Variants in ADAMTSL1 observed in about 807,000 individuals in gnomAD.
ADAMTSL1 encodes ADAMTS like 1.
A neutral mutation model predicts 201.8 loss-of-function variants in ADAMTSL1; 126 were observed. That is an observed-to-expected ratio of 0.62 (90% CI 0.54 to 0.72). The LOEUF is 0.72. Among genes scored for constraint, ADAMTSL1 ranks in the 30% least tolerant of loss-of-function variants. The probability of loss-of-function intolerance (pLI) is 0.00; values close to 1 mark genes in which losing one functional copy is unlikely to be tolerated. For synonymous variants in ADAMTSL1, 1,121 were observed against 903.4 expected, an observed-to-expected ratio of 1.24 and a Z score of -4.32; for missense variants, 2,679 against 2,277.8, an observed-to-expected ratio of 1.18 and a Z score of -3.59.
chr9:18,892,557 G>A lies in ADAMTSL1; in HGVS notation c.4812G>A (p.Gln1604=), dbSNP rs761558331. 1.3e-6 allele frequency: 2 copies of A among 1,575,798 alleles called. No individual in the cohort carries two copies. The highest frequency in any genetic ancestry group is 1.7e-6 in the Non-Finnish European group (2 of 1,160,468). ...KRPVDTQACN[Q]QLCVEWAFSS... ...CTGTGGACACCCAGGCCTGTAACCA[G>A]CAGCTGTGTGTGGAGTGGGCCTTCT... The change falls in exon 26 of 29, where the codon CAG becomes CAA. Residue 1604 remains glutamine (Q), a synonymous_variant. Transcript: ENST00000380548.
chr9:18,361,162 T>C (rs1171484383), intron 2 of ADAMTSL1, among the ~76,000 whole-genome samples: 1 of 152,114 alleles, frequency 6.6e-6, no homozygotes, highest in African/African-American at 2.4e-5. Context: ...AGTATGTGAA[T>C]AGCATGAGAA....
intron 1 of ADAMTSL1, among the ~76,000 whole-genome samples, chr9:18,000,964 G>T (rs1456841693): frequency 6.6e-6 from 1 of 152,048 alleles, no homozygotes; most frequent in Admixed American, 6.6e-5. Flanking sequence ...CATCCCTAGA[G>T]ATGAGAAGTA....
intron 13 of ADAMTSL1, among the ~76,000 whole-genome samples, chr9:18,694,661 C>G (rs2031665591): frequency 6.6e-6 from 1 of 152,164 alleles, no homozygotes; most frequent in Admixed American, 6.5e-5. Flanking sequence ...CCTTGGGCAT[C>G]TCCACCCCTA....
chr9:18,215,950 G>A (rs183127868), intron 2 of ADAMTSL1, among the ~76,000 whole-genome samples: 99 of 152,258 alleles, frequency 6.5e-4, no homozygotes, highest in African/African-American at 2.3e-3. Context: ...AGTCCATTAC[G>A]AGAACTGAGT....
intron 2 of ADAMTSL1, among the ~76,000 whole-genome samples, chr9:18,346,067 T>C (rs1329724): frequency 0.33 from 50,369 of 151,990 alleles, 8,968 homozygotes; most frequent in Admixed American, 0.47. Context: ...CTGTACCTTA[T>C]CCCTGACCCT....
rs181104640 is a variant in ADAMTSL1, at chr9:18,032,885, C to T, written c.87+125963C>T. Among the ~76,000 whole-genome samples the T allele has an allele frequency of 5.2e-3, 605 of 117,068 alleles. 9 individuals are homozygous for T. Among genetic ancestry groups the T allele is most frequent in the Admixed American group, 0.045 (566 of 12,662 alleles). The allele number at this position is 117,068 out of a possible 152,430, so 76.8% of individuals were successfully genotyped here. The stretch of plus-strand genomic sequence containing the variant: ...AGCAACCTGTCCTGGTGCTCAGTGA[C>T]TCTGTGTGGGGCTTCCCACTTCCTC... On this transcript the variant is annotated intron_variant, in intron 1 of 29. Transcript: ENST00000680146.
chr9:18,708,430 T>C (rs978912582), intron 14 of ADAMTSL1, among the ~76,000 whole-genome samples: 5 of 152,210 alleles, frequency 3.3e-5, no homozygotes, highest in Admixed American at 6.5e-5. Context: ...TCCAAATGAT[T>C]CCGGAAGACA....
At chr9:18,754,150 T>C (rs1051859127) in intron 16 of ADAMTSL1, among the ~76,000 whole-genome samples, 10 of 152,234 alleles carry the variant, frequency 6.6e-5, no homozygotes, top group Non-Finnish European at 1.0e-4. Context: ...TGGCTGCTTT[T>C]GCACTACAAG....
At chr9:18,234,574 A>G (rs965987405) in intron 2 of ADAMTSL1, among the ~76,000 whole-genome samples, 1 of 152,148 alleles carries the variant, frequency 6.6e-6, no homozygotes, top group African/African-American at 2.4e-5. Context: ...CAGAGCCAAA[A>G]CCTGAATCCC....
intron 2 of ADAMTSL1, among the ~76,000 whole-genome samples, chr9:18,369,816 G>C (rs912956400): frequency 6.6e-6 from 1 of 152,186 alleles, no homozygotes; most frequent in Non-Finnish European, 1.5e-5. Flanking sequence ...CTATGCAGCC[G>C]TAAGGAAGAA....
chr9:18,509,132 C>T (rs1479829179), intron 2 of ADAMTSL1, among the ~76,000 whole-genome samples: 2 of 77,686 alleles, frequency 2.6e-5, no homozygotes, highest in East Asian at 2.9e-4. Context: ...TGCAGTGAGC[C>T]GAGATTGCGC....
chr9:18,625,477 G>T (rs1307115148), intron 5 of ADAMTSL1, among the ~76,000 whole-genome samples: 1 of 151,990 alleles, frequency 6.6e-6, no homozygotes, highest in Non-Finnish European at 1.5e-5. Context: ...TACAGACAAT[G>T]GAAATAGAGC....
At chr9:18,841,519 C>T (rs1348527455) in intron 23 of ADAMTSL1, among the ~76,000 whole-genome samples, 1 of 152,066 alleles carries the variant, frequency 6.6e-6, no homozygotes, top group African/African-American at 2.4e-5. Flanking sequence ...GTGTCTCTGC[C>T]CGGCTTTGGT....
chr9:18,533,692 C>G (rs1398540489), intron 3 of ADAMTSL1, among the ~76,000 whole-genome samples: 2 of 152,172 alleles, frequency 1.3e-5, no homozygotes, highest in Non-Finnish European at 2.9e-5. Context: ...TCAGTGCCAA[C>G]TATGTGTGAG....
At chr9:18,704,606 T>C (rs1832123908) in intron 13 of ADAMTSL1, among the ~76,000 whole-genome samples, 1 of 152,256 alleles carries the variant, frequency 6.6e-6, no homozygotes. Flanking sequence ...AATGCTTGTG[T>C]ATCTGTTATG....
intron 3 of ADAMTSL1, among the ~76,000 whole-genome samples, chr9:18,544,919 G>A (rs1012284335): frequency 3.3e-5 from 5 of 152,194 alleles, no homozygotes; most frequent in Non-Finnish European, 5.9e-5. Flanking sequence ...AATTAAGAAT[G>A]AGACCATCAT....
chr9:18,039,411 T>C (rs772748411), intron 1 of ADAMTSL1, among the ~76,000 whole-genome samples: 3 of 152,148 alleles, frequency 2.0e-5, no homozygotes, highest in Non-Finnish European at 2.9e-5. Flanking sequence ...AAAAAATAAT[T>C]CCCCTCTCAA....
chr9:18,299,664 A>G (rs757522907), intron 2 of ADAMTSL1, among the ~76,000 whole-genome samples: 1 of 152,168 alleles, frequency 6.6e-6, no homozygotes, highest in Non-Finnish European at 1.5e-5. Context: ...TGCAAAGTCA[A>G]GACTGCAGAA....
intron 1 of ADAMTSL1, among the ~76,000 whole-genome samples, chr9:18,500,713 A>C (rs1357908853): frequency 6.6e-6 from 1 of 152,212 alleles, no homozygotes; most frequent in Non-Finnish European, 1.5e-5. Flanking sequence ...TGTAAAGTAA[A>C]ATAGTTGCTG....
Sources: allele counts gnomAD v4.1 joint callset (sites outside exome capture counted in the v4.1 genomes callset), GRCh38; gene constraint gnomAD v4.1.1; transcripts MANE v1.5; gene names NCBI Gene and HGNC (gene_info 2026-07-23, HGNC 2026-07-21).